Variants in ASAH2 observed in about 807,000 individuals in gnomAD.
ASAH2 encodes the protein N-acylsphingosine amidohydrolase 2.
Under a neutral mutation model 82.9 loss-of-function variants are expected in ASAH2, and 58 were observed. The ratio of observed to expected loss-of-function variants is 0.70; its 90% CI spans 0.57 to 0.87. The LOEUF (loss-of-function observed/expected upper bound fraction) is 0.87, where lower values mean the gene tolerates loss of function less well. Among genes scored for constraint, ASAH2 ranks in the 40% least tolerant of loss-of-function variants. The pLI is 0.00. For synonymous variants in ASAH2, 276 were observed against 289.7 expected (o/e 0.95, Z 0.48); for missense variants, 779 against 834.0 (o/e 0.93, Z 0.81).
chr10:50,229,545 A>C (rs1386296009), intron 7 of ASAH2, among the ~76,000 whole-genome samples: 1 of 152,064 alleles, frequency 6.6e-6, no homozygotes, highest in Non-Finnish European at 1.5e-5. Context: ...GACAGCCCCA[A>C]CTCCCAACCC....
In ASAH2 at chr10:50,214,902, T is replaced by C. The variant is rs745664301; in HGVS notation, c.1015-34A>G. The stretch of plus-strand genomic sequence containing the variant: ...AGAAATGCCAAGTTGCCTTTTATTC[T>C]TTCCTATTTCCTGTAATGAATGCCA... On this transcript the variant is annotated intron_variant, in intron 8 of 20. Transcript: ENST00000682911. The C allele has an allele frequency of 8.7e-6, 14 of 1,611,504 alleles. No homozygotes were observed. In the East Asian group the frequency reaches 2.9e-4, roughly 33 times the overall value.
chr10:50,207,553 A>C (rs1367819983), intron 12 of ASAH2, among the ~76,000 whole-genome samples: 1 of 151,596 alleles, frequency 6.6e-6, no homozygotes, highest in Non-Finnish European at 1.5e-5. Flanking sequence ...GTACGCTAAC[A>C]AATTAGATAA....
chr10:50,200,188 C>T (rs1845102388), intron 16 of ASAH2, among the ~76,000 whole-genome samples: 2 of 151,574 alleles, frequency 1.3e-5, no homozygotes, highest in Non-Finnish European at 2.9e-5. Flanking sequence ...ATTTTCTACA[C>T]TGCCATCTAT....
chr10:50,206,245 A>C (rs1845293039), intron 12 of ASAH2, 148 bp from the exon 13 acceptor site: 2 of 690,506 alleles, frequency 2.9e-6, no homozygotes, highest in Non-Finnish European at 5.2e-6. Context: ...AGTTTGAGTA[A>C]TAGAATAGGA....
intron 3 of ASAH2, among the ~76,000 whole-genome samples, chr10:50,244,154 G>A (rs979359514): frequency 1.4e-4 from 21 of 152,344 alleles, no homozygotes; most frequent in African/African-American, 4.3e-4. Flanking sequence ...GCAGAACGAC[G>A]TTGTGCTGCT....
At chr10:50,237,859 T>G (rs1846198507) in intron 4 of ASAH2, among the ~76,000 whole-genome samples, 1 of 152,170 alleles carries the variant, frequency 6.6e-6, no homozygotes. Flanking sequence ...TACCCCATTT[T>G]CCATGATGTA....
At chr10:50,226,102 AAAT>A (rs1280175285) in intron 7 of ASAH2, among the ~76,000 whole-genome samples, 2 of 152,150 alleles carry the variant, frequency 1.3e-5, no homozygotes, top group African/African-American at 4.8e-5. Context: ...AAAAAAAAAA[AAAT>A]GTTTATCACG....
intron 7 of ASAH2, among the ~76,000 whole-genome samples, chr10:50,226,205 A>G (rs1285288512): frequency 1.3e-5 from 2 of 152,254 alleles, no homozygotes; most frequent in African/African-American, 4.8e-5. Context: ...AGAATGGAAT[A>G]CTACATGGCA....
intron 4 of ASAH2, among the ~76,000 whole-genome samples, chr10:50,242,214 A>G (rs902608550): frequency 2.0e-5 from 3 of 151,848 alleles, no homozygotes; most frequent in African/African-American, 7.3e-5. Flanking sequence ...GTGAGTGCAG[A>G]AGTGGGGAAA....
chr10:50,226,831 A>C lies in ASAH2; in HGVS notation c.893+6353T>G, dbSNP rs988974589. On this transcript the variant is annotated intron_variant, in intron 7 of 20. Transcript: ENST00000682911. ...GCAGTCACAGGACCAGCCAAAGTTC[A>C]AGAACTAGGAAAATAATCTCCACCT... 6.8e-3 allele frequency among the ~76,000 whole-genome samples: 1,043 copies of C among 152,306 alleles called. 12 individuals are homozygous for C. The highest frequency in any genetic ancestry group is 0.024 in the African/African-American group (995 of 41,572).
rs776252783 is a variant in ASAH2 at position 50,218,547 on chromosome 10, A to G, written c.977T>C (p.Leu326Pro). Residue 326 changes from leucine (L) to proline (P), a missense_variant, in exon 8 of 21, where the codon CTT (leucine) becomes CCT (proline). This residue lies in a region of ASAH2 where 759 missense variants were observed against 755.2 expected (regional missense o/e 1.00). Coordinates refer to ENST00000682911, the MANE Select transcript of ASAH2 (RefSeq NM_019893.4). ...ATATCCTTTGTTCTTCTCTTGCTCA[A>G]GCAGGTAAGATGCATAGCCCACATT... The part of the protein sequence containing the change: ...SDNVGYASYL[L>P]EQEKNKGYLP... 25 of 1,613,614 alleles carry G rather than the reference A, an allele frequency of 1.5e-5. No homozygotes were observed. Among genetic ancestry groups the G allele is most frequent in the Non-Finnish European group, 2.1e-5 (25 of 1,179,770 alleles).
At chr10:50,225,338 C>A (rs1346750271) in intron 7 of ASAH2, among the ~76,000 whole-genome samples, 3 of 152,148 alleles carry the variant, frequency 2.0e-5, no homozygotes, top group African/African-American at 7.2e-5. Flanking sequence ...ATCACTTGAA[C>A]CCCCAGGAGG....
chr10:50,198,918 T>C, intron 17 of ASAH2, 133 bp downstream of exon 17: 3 of 953,114 alleles, frequency 3.1e-6, no homozygotes, highest in Non-Finnish European at 5.1e-6. Context: ...GTTGTCAAAC[T>C]GAACACTCGA....
At chr10:50,199,174 A>G in intron 16 of ASAH2, 28 bp from the exon 17 acceptor site, 6 of 1,610,640 alleles carry the variant, frequency 3.7e-6, no homozygotes, top group Non-Finnish European at 4.2e-6. Flanking sequence ...AGAGTTGTAT[A>G]TGGTTCTGCT....
intron 12 of ASAH2, 68 bp downstream of exon 12, chr10:50,210,755 C>A: frequency 7.8e-7 from 1 of 1,276,546 alleles, no homozygotes; most frequent in South Asian, 1.2e-5. Context: ...ACAATGAAAC[C>A]TGATCAGAGA....
intron 16 of ASAH2, among the ~76,000 whole-genome samples, chr10:50,200,052 GT>G (rs1845098957): frequency 6.6e-6 from 1 of 151,372 alleles, no homozygotes; most frequent in East Asian, 2.0e-4. Flanking sequence ...CTGATAAGTA[GT>G]TTTTTGATCC....
At chr10:50,246,218 T>C (rs1846453539) in intron 2 of ASAH2, among the ~76,000 whole-genome samples, 1 of 152,190 alleles carries the variant, frequency 6.6e-6, no homozygotes, top group Admixed American at 6.5e-5. Flanking sequence ...GTTTGAAACC[T>C]GAATCTACCA....
intron 13 of ASAH2, 32 bp downstream of exon 13, chr10:50,205,950 C>T (rs908573113): frequency 1.3e-6 from 2 of 1,486,144 alleles, no homozygotes; most frequent in Non-Finnish European, 1.9e-6. Context: ...TAACAATATG[C>T]TAATTTCACT....
At chr10:50,201,456 G>T (rs1165255520) in intron 16 of ASAH2, among the ~76,000 whole-genome samples, 1 of 152,074 alleles carries the variant, frequency 6.6e-6, no homozygotes, top group Non-Finnish European at 1.5e-5. Flanking sequence ...GCACCCAAAA[G>T]CACTTACCTT....
Sources: allele counts gnomAD v4.1 joint callset (sites outside exome capture counted in the v4.1 genomes callset), GRCh38; gene constraint gnomAD v4.1.1; regional missense constraint gnomAD v4.1.1; transcripts MANE v1.5; gene names NCBI Gene and HGNC (gene_info 2026-07-23, HGNC 2026-07-21).